ZPBP: variants seen among roughly 807,000 people sequenced by gnomAD.
ZPBP encodes zona pellucida binding protein.
A neutral mutation model predicts 44.8 loss-of-function variants in ZPBP; 26 were observed. The observed-to-expected ratio is 0.58, with a 90% confidence interval of 0.43 to 0.81. The LOEUF is 0.81. Ranked by LOEUF, ZPBP falls within the 30% of genes least tolerant of loss-of-function variation. The pLI is 0.00. For synonymous variants in ZPBP, 174 were observed against 153.2 expected (o/e 1.14, Z -1.00); for missense variants, 409 against 434.0 (o/e 0.94, Z 0.51).
intron 2 of ZPBP, among the ~76,000 whole-genome samples, chr7:50,083,409 A>G (rs1052190113): frequency 1.3e-5 from 2 of 151,960 alleles, no homozygotes; most frequent in Non-Finnish European, 2.9e-5. Context: ...CTGCATACAC[A>G]TAACTTTAAA....
At chr7:50,017,626 A>G (rs986243034) in intron 6 of ZPBP, among the ~76,000 whole-genome samples, 9 of 152,170 alleles carry the variant, frequency 5.9e-5, no homozygotes, top group African/African-American at 2.2e-4. Context: ...TACCTTTAGT[A>G]GAAACACTTT....
intron 1 of ZPBP, chr7:49,912,450 T>C: frequency 3.2e-6 from 1 of 316,092 alleles, no homozygotes; most frequent in Non-Finnish European, 5.9e-6. Flanking sequence ...TACACTATTA[T>C]ATATCAAATG....
chr7:50,076,571 A>G (rs1802092132), intron 3 of ZPBP, among the ~76,000 whole-genome samples: 1 of 151,716 alleles, frequency 6.6e-6, no homozygotes, highest in African/African-American at 2.4e-5. Flanking sequence ...TTTCAGGATC[A>G]ACATACAAAA....
chr7:50,019,870 T>C (rs60970531), intron 5 of ZPBP, among the ~76,000 whole-genome samples: 1 of 151,916 alleles, frequency 6.6e-6, no homozygotes, highest in East Asian at 1.9e-4. Context: ...GGAGAAAAGG[T>C]TTTATTTATA....
chr7:49,946,454 G>T (rs1485232584), intron 7 of ZPBP, among the ~76,000 whole-genome samples: 1 of 151,910 alleles, frequency 6.6e-6, no homozygotes, highest in Non-Finnish European at 1.5e-5. Context: ...GAATATTTTT[G>T]CCAGATATAC....
intron 5 of ZPBP, among the ~76,000 whole-genome samples, chr7:50,024,016 T>A (rs190106499): frequency 1.3e-5 from 2 of 151,710 alleles, no homozygotes; most frequent in Admixed American, 1.3e-4. Flanking sequence ...TTGTATAATA[T>A]ACAAAATGGT....
At chr7:50,056,692 C>G (rs1205704994) in intron 4 of ZPBP, among the ~76,000 whole-genome samples, 1 of 152,194 alleles carries the variant, frequency 6.6e-6, no homozygotes, top group Admixed American at 6.5e-5. Flanking sequence ...AGTGTCATCT[C>G]GGACAAACAC....
intron 6 of ZPBP, among the ~76,000 whole-genome samples, chr7:50,015,597 AAAC>A (rs1315976201): frequency 1.3e-5 from 2 of 152,192 alleles, no homozygotes; most frequent in Non-Finnish European, 2.9e-5. Context: ...ACAGCAAAAG[AAAC>A]TATCAACACA....
At chr7:49,903,338 A>G (rs1350767996) in intron 1 of ZPBP, among the ~76,000 whole-genome samples, 1 of 152,196 alleles carries the variant, frequency 6.6e-6, no homozygotes, top group African/African-American at 2.4e-5. Flanking sequence ...GAAAAAAACA[A>G]AATGCCACTC....
At chr7:49,936,781 AT>A (rs1794631710), downstream of ZPBP, among the ~76,000 whole-genome samples, 1 of 152,182 alleles carries the variant, frequency 6.6e-6, no homozygotes, top group Non-Finnish European at 1.5e-5. Context: ...TATAATATTC[AT>A]TTTCATAGTG....
intron 6 of ZPBP, among the ~76,000 whole-genome samples, chr7:49,999,535 G>C (rs1439938227): frequency 6.6e-6 from 1 of 152,028 alleles, no homozygotes; most frequent in African/African-American, 2.4e-5. Context: ...CTGCAAGCTG[G>C]AGAACCAGAA....
At chr7:49,897,940 C>T (rs1232191529) in intron 2 of ZPBP, among the ~76,000 whole-genome samples, 1 of 152,080 alleles carries the variant, frequency 6.6e-6, no homozygotes, top group Admixed American at 6.6e-5. Context: ...GGAAAAATAG[C>T]CATTTGAAAC....
At chr7:49,845,508 G>T (rs1373683027), downstream of ZPBP, among the ~76,000 whole-genome samples, 1 of 152,210 alleles carries the variant, frequency 6.6e-6, no homozygotes, top group South Asian at 2.1e-4. Context: ...GTAGAATGGT[G>T]AAGGAATATA....
At chr7:50,024,659 G>T (rs534445462) in intron 5 of ZPBP, among the ~76,000 whole-genome samples, 42 of 151,842 alleles carry the variant, frequency 2.8e-4, no homozygotes, top group African/African-American at 9.6e-4. Flanking sequence ...GGTTACCCAG[G>T]GGCAGGGCAG....
At chr7:49,981,635 T>G (rs1162788969) in intron 7 of ZPBP, among the ~76,000 whole-genome samples, 1 of 93,042 alleles carries the variant, frequency 1.1e-5, no homozygotes, top group Non-Finnish European at 1.9e-5. Flanking sequence ...TATTATATTA[T>G]ATATTATATA....
At chr7:50,036,824 C>T (rs1799851467) in intron 4 of ZPBP, among the ~76,000 whole-genome samples, 1 of 151,632 alleles carries the variant, frequency 6.6e-6, no homozygotes, top group African/African-American at 2.4e-5. Context: ...ACATAAAGAA[C>T]AAGGTTAACA....
intron 2 of ZPBP, 97 bp downstream of exon 2, chr7:50,089,532 A>G: frequency 1.1e-6 from 1 of 911,762 alleles, no homozygotes; most frequent in Non-Finnish European, 1.7e-6. Flanking sequence ...TTAGGAGACT[A>G]GGATAAATGA....
chr7:49,960,757 TA>T (rs1340237185), intron 7 of ZPBP, among the ~76,000 whole-genome samples: 1 of 152,132 alleles, frequency 6.6e-6, no homozygotes, highest in African/African-American at 2.4e-5. Flanking sequence ...AGATATCTTT[TA>T]ATCAGGAAAA....
intron 7 of ZPBP, among the ~76,000 whole-genome samples, chr7:49,966,072 A>G (rs1796047778): frequency 6.6e-6 from 1 of 152,124 alleles, no homozygotes; most frequent in African/African-American, 2.4e-5. Flanking sequence ...AGGAGCATAT[A>G]ACAATCTTAA....
Sources: gnomAD v4.1 joint callset for allele counts (sites outside exome capture counted in the v4.1 genomes callset) on GRCh38, gnomAD v4.1.1 for gene constraint, MANE v1.5 for transcripts, NCBI Gene and HGNC (gene_info 2026-07-23, HGNC 2026-07-21) for gene names.